The following PLXDC1 variants were observed in gnomAD, a reference collection of about 807,000 sequenced individuals.
The protein encoded by PLXDC1 is plexin domain-containing protein 1.
PLXDC1 carries 39 observed loss-of-function variants against 61.3 expected under a neutral mutation model. The ratio of observed to expected loss-of-function variants is 0.64; its 90% confidence interval spans 0.49 to 0.83. The LOEUF (loss-of-function observed/expected upper bound fraction) is 0.83, where lower values mean the gene tolerates loss of function less well. Among genes scored for constraint, PLXDC1 ranks in the 40% least tolerant of loss-of-function variants. PLXDC1 has a pLI of 0.00. For synonymous variants in PLXDC1, 212 were observed against 254.5 expected (o/e 0.83, Z 1.59); for missense variants, 596 against 666.5 (o/e 0.89, Z 1.17).
intron 7 of PLXDC1, among the ~76,000 whole-genome samples, chr17:39,096,599 C>T (rs371630741): frequency 3.3e-5 from 5 of 152,144 alleles, no homozygotes; most frequent in Admixed American, 1.3e-4. Flanking sequence ...AAGTCTGCCT[C>T]GGAAAGGACA....
chr17:39,120,141 G>A (rs1177655067), intron 2 of PLXDC1, among the ~76,000 whole-genome samples: 1 of 152,130 alleles, frequency 6.6e-6, no homozygotes, highest in East Asian at 1.9e-4. Flanking sequence ...AGGCCACTCT[G>A]ACCCAGCGCT....
intron 7 of PLXDC1, among the ~76,000 whole-genome samples, chr17:39,104,053 T>C (rs1910513796): frequency 6.6e-6 from 1 of 152,200 alleles, no homozygotes; most frequent in Non-Finnish European, 1.5e-5. Context: ...TTCCTAGTCC[T>C]GCACTGTTCG....
intron 8 of PLXDC1, among the ~76,000 whole-genome samples, chr17:39,086,859 CAA>C (rs765774886): frequency 3.2e-4 from 23 of 71,506 alleles, no homozygotes; most frequent in East Asian, 1.9e-3. Flanking sequence ...GAGACTGTCT[CAA>C]AAAAAAAAAA....
intron 7 of PLXDC1, among the ~76,000 whole-genome samples, chr17:39,099,439 G>A (rs982962708): frequency 7.2e-5 from 11 of 152,100 alleles, no homozygotes; most frequent in African/African-American, 4.8e-5. Flanking sequence ...TCCCTGCCCC[G>A]ACAGTGGGCT....
At chr17:39,146,671 AAATTT>A (rs1183620633) in intron 1 of PLXDC1, among the ~76,000 whole-genome samples, 1 of 150,760 alleles carries the variant, frequency 6.6e-6, no homozygotes, top group African/African-American at 2.4e-5. Flanking sequence ...AGGTATTATA[AAATTT>A]AATTTATTAT....
At chr17:39,150,064 G>A (rs1261388584) in intron 1 of PLXDC1, among the ~76,000 whole-genome samples, 1 of 152,090 alleles carries the variant, frequency 6.6e-6, no homozygotes, top group Non-Finnish European at 1.5e-5. Flanking sequence ...GCAAAAATAG[G>A]TCCAGAGAGA....
At chr17:39,128,128 T>C (rs1911397696) in intron 2 of PLXDC1, among the ~76,000 whole-genome samples, 1 of 91,996 alleles carries the variant, frequency 1.1e-5, no homozygotes, top group South Asian at 3.7e-4. Context: ...TATATATATG[T>C]GTATATATAT....
intron 7 of PLXDC1, among the ~76,000 whole-genome samples, chr17:39,088,963 A>AAAGAG (rs1555570853): frequency 8.4e-6 from 1 of 119,600 alleles, no homozygotes; most frequent in African/African-American, 3.5e-5. Flanking sequence ...AAAAAAAAAA[A>AAAGAG]AGAGAGAGAG....
chr17:39,102,445 G>C (rs1469935862), intron 7 of PLXDC1, among the ~76,000 whole-genome samples: 1 of 151,966 alleles, frequency 6.6e-6, no homozygotes, highest in African/African-American at 2.4e-5. Context: ...CCAATGATTG[G>C]ACCACTGAGA....
chr17:39,069,625 G>C (rs1300960539), intron 13 of PLXDC1, among the ~76,000 whole-genome samples: 1 of 152,180 alleles, frequency 6.6e-6, no homozygotes, highest in Non-Finnish European at 1.5e-5. Flanking sequence ...AACAAAAGCA[G>C]AGGGGCTGTT....
chr17:39,114,030 C>CCCT (rs778691688), intron 2 of PLXDC1, among the ~76,000 whole-genome samples: 13 of 151,972 alleles, frequency 8.6e-5, no homozygotes, highest in Non-Finnish European at 1.6e-4. Flanking sequence ...CTTATCTTTG[C>CCCT]CCTTCTTCTT....
Position 39,067,091 on chromosome 17 carries a change from G to T in PLXDC1, c.*749C>A, listed in dbSNP as rs72821577. On this transcript the variant is annotated 3_prime_UTR_variant, in exon 14 of 14. Coordinates refer to ENST00000315392, the MANE Select transcript of PLXDC1 (RefSeq NM_020405.5). Reference sequence around the variant, plus strand: ...CTGTAACTGAGTCCAAATTCATTCTGCTTGCTGCGTCATAGCCAATACGTT... The same window carrying T: ...CTGTAACTGAGTCCAAATTCATTCTTCTTGCTGCGTCATAGCCAATACGTT... 8,689 of 152,262 alleles carry T rather than the reference G, an allele frequency of 0.057. 317 individuals carry two copies. The highest frequency in any genetic ancestry group is 0.084 in the Non-Finnish European group (5,687 of 68,026). The allele number at this position is 152,262 out of a possible 1,614,324, so 9.4% of individuals were successfully genotyped here.
chr17:39,082,543 C>A (rs1909599574), intron 9 of PLXDC1, among the ~76,000 whole-genome samples: 1 of 133,426 alleles, frequency 7.5e-6, no homozygotes, highest in Non-Finnish European at 1.6e-5. Context: ...CCAGCCTGGG[C>A]AACAAGAGCA....
intron 2 of PLXDC1, among the ~76,000 whole-genome samples, chr17:39,135,237 G>A (rs1048053539): frequency 5.3e-5 from 8 of 152,226 alleles, no homozygotes; most frequent in African/African-American, 1.9e-4. Flanking sequence ...CTGTCAGAGG[G>A]ACCTCCTTCC....
chr17:39,124,510 T>C (rs1484176572), intron 2 of PLXDC1, among the ~76,000 whole-genome samples: 1 of 152,200 alleles, frequency 6.6e-6, no homozygotes, highest in African/African-American at 2.4e-5. Context: ...GGAGGATCAC[T>C]GGAGCCCAGG....
At chr17:39,069,265 T>C (rs1255963639) in intron 13 of PLXDC1, among the ~76,000 whole-genome samples, 1 of 152,072 alleles carries the variant, frequency 6.6e-6, no homozygotes, top group Admixed American at 6.6e-5. Context: ...GCCACCACGC[T>C]GGGCTAATTT....
At chr17:39,135,550 G>A (rs1396362076) in intron 2 of PLXDC1, among the ~76,000 whole-genome samples, 3 of 151,950 alleles carry the variant, frequency 2.0e-5, no homozygotes, top group African/African-American at 4.8e-5. Flanking sequence ...GGTGGCGCAT[G>A]CCTGTAATCC....
chr17:39,069,235 G>A (rs1024019955), intron 13 of PLXDC1, among the ~76,000 whole-genome samples: 4 of 152,062 alleles, frequency 2.6e-5, no homozygotes, highest in African/African-American at 7.2e-5. Flanking sequence ...CTTCCCAAGC[G>A]GCTGGGACCA....
intron 7 of PLXDC1, among the ~76,000 whole-genome samples, chr17:39,104,608 GC>G (rs1910531461): frequency 6.6e-6 from 1 of 151,872 alleles, no homozygotes; most frequent in African/African-American, 2.4e-5. Flanking sequence ...ACATAGCAAG[GC>G]CCTGTCTCTA....
Sources: allele counts gnomAD v4.1 joint callset (sites outside exome capture counted in the v4.1 genomes callset), GRCh38; gene constraint gnomAD v4.1.1; transcripts MANE v1.5; gene names NCBI Gene and HGNC (gene_info 2026-07-23, HGNC 2026-07-21).